The following FAM234A variants were observed in gnomAD, a reference collection of about 807,000 sequenced individuals.
FAM234A encodes protein FAM234A.
FAM234A carries 42 observed loss-of-function variants against 49.1 expected under a neutral mutation model. That is an observed-to-expected ratio of 0.86 (90% CI 0.67 to 1.11). FAM234A has a LOEUF of 1.11. Ranked by LOEUF, FAM234A falls within the 50% of genes least tolerant of loss-of-function variation. FAM234A has a pLI of 0.00. For synonymous variants in FAM234A, 369 were observed against 316.2 expected, an observed-to-expected ratio of 1.17 and a Z score of -1.77; for missense variants, 815 against 745.2, an observed-to-expected ratio of 1.09 and a Z score of -1.09.
intron 1 of FAM234A, among the ~76,000 whole-genome samples, chr16:246,150 G>A (rs970381380): frequency 4.0e-5 from 6 of 151,598 alleles, no homozygotes. Context: ...AGGAGGCAGA[G>A]GTTGCAGTGA....
chr16:252,596 G>A (rs769488759), intron 2 of FAM234A, among the ~76,000 whole-genome samples: 32 of 152,030 alleles, frequency 2.1e-4, no homozygotes, highest in Non-Finnish European at 4.3e-4. Flanking sequence ...TCACAGCAGC[G>A]GCATCATTTT....
chr16:260,467 C>A, intron 5 of FAM234A: 1 of 494,972 alleles, frequency 2.0e-6, no homozygotes. Flanking sequence ...CGGCTTGGCC[C>A]CCGGCTGCTC....
At chr16:248,183 C>G (rs977635990) in intron 1 of FAM234A, 2 of 152,120 alleles carry the variant, frequency 1.3e-5, no homozygotes, top group African/African-American at 4.8e-5. Context: ...AAATCCCCAA[C>G]CGTGTTACTA....
chr16:262,862 C>G (rs1169063572), intron 8 of FAM234A, among the ~76,000 whole-genome samples: 2 of 150,790 alleles, frequency 1.3e-5, no homozygotes, highest in Non-Finnish European at 3.0e-5. Context: ...CCCTGTCCCC[C>G]AGGCTGGAGT....
intron 3 of FAM234A, among the ~76,000 whole-genome samples, chr16:257,106 T>A (rs1431704417): frequency 6.6e-6 from 1 of 152,110 alleles, no homozygotes; most frequent in Non-Finnish European, 1.5e-5. Context: ...CTCAAACTCC[T>A]GACCTCAAGT....
chr16:269,806 A>G (rs1038230487), downstream of FAM234A: 7 of 539,088 alleles, frequency 1.3e-5, no homozygotes, highest in Non-Finnish European at 2.3e-5. Flanking sequence ...AAAAATGGCA[A>G]GAGCCCTGGT....
downstream of FAM234A, chr16:268,564 C>CG: frequency 1.7e-6 from 1 of 604,286 alleles, no homozygotes. Context: ...CAAGGATCCA[C>CG]CCTATGGAAT....
intron 1 of FAM234A, among the ~76,000 whole-genome samples, chr16:236,224 G>A (rs1392714931): frequency 6.6e-6 from 1 of 151,240 alleles, no homozygotes; most frequent in Non-Finnish European, 1.5e-5. Context: ...CCAAAGTGCT[G>A]GGATTACAGG....
chr16:245,138 G>C (rs2050761021), intron 1 of FAM234A, among the ~76,000 whole-genome samples: 1 of 151,990 alleles, frequency 6.6e-6, no homozygotes, highest in African/African-American at 2.4e-5. Context: ...CTTGGGCCCT[G>C]GAGTTTGAGA....
rs185794760 is a variant in FAM234A, at chr16:237,177, A to G, written c.-140+2320A>G. ...TGCCTTGGCCTCGCAAAGTGTTAGG[A>G]TTACAGGTGTGAGCCACCATGCCCA... On this transcript the variant is annotated intron_variant, in intron 1 of 12. Coordinates refer to ENST00000399932, the MANE Select transcript of FAM234A (RefSeq NM_032039.4). Among the ~76,000 whole-genome samples, 83 of 152,144 alleles carry G rather than the reference A, an allele frequency of 5.5e-4. 1 individual carries two copies. Among genetic ancestry groups the G allele is most frequent in the African/African-American group, 1.9e-3 (80 of 41,504 alleles).
chr16:260,599 C>T (rs2051424066), intron 5 of FAM234A: 2 of 475,202 alleles, frequency 4.2e-6, no homozygotes, highest in South Asian at 1.5e-5. Flanking sequence ...CTCCGAGCCC[C>T]AGCGGAGCCG....
At chr16:239,783 A>G (rs1490954420) in intron 1 of FAM234A, among the ~76,000 whole-genome samples, 2 of 152,136 alleles carry the variant, frequency 1.3e-5, no homozygotes, top group African/African-American at 4.8e-5. Flanking sequence ...TTTAGGAGGC[A>G]TTGTGAGCCC....
chr16:264,599 T>C lies in FAM234A; in HGVS notation c.1345-15T>C. On this transcript the variant is annotated splice_polypyrimidine_tract_variant and intron_variant, in intron 11 of 12. Coordinates refer to ENST00000399932, the MANE Select transcript of FAM234A (RefSeq NM_032039.4). ...CAGTGAAGGGCGTGGGGCCCATTGCTGGTTCTCGCTCCAGGAGACCGGGGA... is the reference window on the plus strand; with the variant it reads ...CAGTGAAGGGCGTGGGGCCCATTGCCGGTTCTCGCTCCAGGAGACCGGGGA... 1 of 1,577,356 alleles carries C rather than the reference T, an allele frequency of 6.3e-7. No individual in the cohort carries two copies. The highest frequency in any genetic ancestry group is 1.7e-4 in the Middle Eastern group (1 of 5,958).
intron 4 of FAM234A, 81 bp downstream of exon 4, chr16:259,680 T>C (rs2141329292): frequency 2.2e-6 from 2 of 892,044 alleles, no homozygotes; most frequent in East Asian, 2.4e-5. Context: ...TCGCTTTCAG[T>C]GTTTGGGGGA....
At chr16:243,859 G>C (rs959811929) in intron 1 of FAM234A, among the ~76,000 whole-genome samples, 1 of 152,172 alleles carries the variant, frequency 6.6e-6, no homozygotes, top group African/African-American at 2.4e-5. Flanking sequence ...CACATTGTCT[G>C]ACTTTGGAGA....
At position 262,162 on chromosome 16, in the gene FAM234A, G is replaced by C; in HGVS notation, c.778G>C (p.Gly260Arg). ...IGLRGSLGVD[G>R]ESGFLLHVTR... is the part of the protein sequence containing the mutation. ...CCTCAGAGGCAGCCTTGGTGTGGAC[G>C]GGGAAAGTGGCTTCCTCCTTCACGT... The change falls in exon 7 of 13, where the codon GGG (glycine) becomes CGG (arginine). Residue 260 changes from glycine (G) to arginine (R), a missense_variant. Coordinates refer to ENST00000399932, the MANE Select transcript of FAM234A (RefSeq NM_032039.4). The C allele has an allele frequency of 6.2e-7, 1 of 1,614,016 alleles. No individual in the cohort carries two copies. Among genetic ancestry groups the C allele is most frequent in the Non-Finnish European group, 8.5e-7 (1 of 1,180,006 alleles).
intron 8 of FAM234A, 44 bp from the exon 9 acceptor site, chr16:263,218 C>T (rs759645002): frequency 1.0e-5 from 16 of 1,599,092 alleles, no homozygotes; most frequent in African/African-American, 1.3e-5. Context: ...TGCCTGAGGC[C>T]GCCCCGGGGA....
chr16:245,372 T>G (rs2050769088), intron 1 of FAM234A, among the ~76,000 whole-genome samples: 1 of 152,132 alleles, frequency 6.6e-6, no homozygotes, highest in Admixed American at 6.5e-5. Context: ...AATGCTTAAC[T>G]TTTGTTAATG....
chr16:241,008 C>T (rs982456496), intron 1 of FAM234A, among the ~76,000 whole-genome samples: 1 of 151,934 alleles, frequency 6.6e-6, no homozygotes, highest in Non-Finnish European at 1.5e-5. Flanking sequence ...GTGTGATCTC[C>T]GCTCACCTCC....
Sources: allele counts gnomAD v4.1 joint callset (sites outside exome capture counted in the v4.1 genomes callset), GRCh38; gene constraint gnomAD v4.1.1; transcripts MANE v1.5; gene names NCBI Gene and HGNC (gene_info 2026-07-23, HGNC 2026-07-21).